USP4: variants seen among roughly 807,000 people sequenced by gnomAD.
USP4 encodes the protein ubiquitin specific peptidase 4.
Under a neutral mutation model 118.2 loss-of-function variants are expected in USP4, and 72 were observed. The ratio of observed to expected loss-of-function variants is 0.61; its 90% confidence interval spans 0.50 to 0.74. USP4 has a LOEUF of 0.74. Ranked by LOEUF, USP4 falls within the 30% of genes least tolerant of loss-of-function variation. USP4 has a pLI of 0.00. For synonymous variants in USP4, 415 were observed against 440.4 expected, an observed-to-expected ratio of 0.94 and a Z score of 0.72; for missense variants, 1,037 against 1,185.7, an observed-to-expected ratio of 0.87 and a Z score of 1.84.
intron 2 of USP4, among the ~76,000 whole-genome samples, chr3:49,329,308 G>C (rs9863142): frequency 0.19 from 28,514 of 152,042 alleles, 2,956 homozygotes; most frequent in African/African-American, 0.25. Flanking sequence ...TCTTGAGCCC[G>C]TTGAAGTCAT....
At chr3:49,290,839 C>T (rs754524979) in intron 15 of USP4, among the ~76,000 whole-genome samples, 82 of 151,778 alleles carry the variant, frequency 5.4e-4, no homozygotes, top group African/African-American at 1.3e-3. Flanking sequence ...ATGTGCTGGG[C>T]GCAGTGGCTC....
At chr3:49,321,774 A>T (rs2107796493) in intron 6 of USP4, among the ~76,000 whole-genome samples, 1 of 151,718 alleles carries the variant, frequency 6.6e-6, no homozygotes. Flanking sequence ...CAGGCGGATC[A>T]CTTGAGGCTA....
intron 8 of USP4, 80 bp from the exon 9 acceptor site, chr3:49,305,968 C>A: frequency 7.3e-7 from 1 of 1,372,416 alleles, no homozygotes. Context: ...TCTAAAGGGT[C>A]ACTGAGGGAC....
chr3:49,277,334 G>T lies in USP4; in HGVS notation c.*959C>A. 1.0e-6 allele frequency: 1 copy of T among 989,940 alleles called. No homozygotes were observed. Among genetic ancestry groups the T allele is most frequent in the Non-Finnish European group, 1.4e-6 (1 of 737,554 alleles). 61.3% of individuals were successfully genotyped at this position (989,940 alleles called of 1,614,324 possible). On this transcript the variant is annotated 3_prime_UTR_variant, in exon 22 of 22. Coordinates refer to ENST00000265560, the MANE Select transcript of USP4 (RefSeq NM_003363.4). ...CTTAAGGCCTTGCCCACACGCAGCG[G>T]CTGGCCCCGCGGTGGGAGTGGGGAC...
At chr3:49,300,321 C>A in intron 11 of USP4, 146 bp downstream of exon 11, 1 of 659,872 alleles carries the variant, frequency 1.5e-6, no homozygotes, top group South Asian at 1.9e-5. Context: ...TGGGATTAGA[C>A]AAAGGTCTGA....
intron 9 of USP4, 86 bp downstream of exon 9, chr3:49,305,629 T>C: frequency 2.3e-6 from 3 of 1,312,742 alleles, no homozygotes; most frequent in Non-Finnish European, 3.0e-6. Context: ...AAAAAAATCC[T>C]AAAAAACCTG....
chr3:49,296,339 T>TAAATAAA (rs1379054818), intron 13 of USP4, among the ~76,000 whole-genome samples: 1 of 138,698 alleles, frequency 7.2e-6, no homozygotes, highest in East Asian at 2.2e-4. Flanking sequence ...AAAACATAAA[T>TAAATAAA]AAATAAAAAA....
chr3:49,300,243 C>CAA (rs376971750), intron 11 of USP4, among the ~76,000 whole-genome samples: 1 of 134,960 alleles, frequency 7.4e-6, no homozygotes, highest in Non-Finnish European at 1.6e-5. Context: ...GACTCTGTCT[C>CAA]AAAAAAAAAA....
At chr3:49,298,749 T>A in intron 11 of USP4, 114 bp from the exon 12 acceptor site, 1 of 908,398 alleles carries the variant, frequency 1.1e-6, no homozygotes. Context: ...CAATGTATGG[T>A]GAGGTCAGGG....
At chr3:49,311,479 G>A (rs745464194) in intron 7 of USP4, 35 bp downstream of exon 7, 18 of 1,606,974 alleles carry the variant, frequency 1.1e-5, no homozygotes, top group Admixed American at 1.7e-5. Flanking sequence ...AAAGGACCAC[G>A]GGAAAGGAAG....
At position 49,298,594 on chromosome 3, in the gene USP4, C is replaced by G. The variant is rs200322359; in HGVS notation, c.1554G>C (p.Leu518=). 2.3e-5 allele frequency: 37 copies of G among 1,614,194 alleles called. No homozygotes were observed. In the South Asian group the frequency reaches 4.0e-4, roughly 17 times the overall value. Residue 518 remains leucine, a synonymous_variant, in exon 12 of 22, where the codon CTG becomes CTC. Transcript: ENST00000265560. ...CAGACAGCCTGGAGAGAGCCTCGCA[C>G]AGGTCGGACACAGCCCCCATCAGCG... is the stretch of plus-strand genomic sequence containing the variant. ...TVPLMGAVSD[L]CEALSRLSGI...
chr3:49,324,644 G>C (rs2047532765), intron 6 of USP4, 58 bp downstream of exon 6: 2 of 1,504,304 alleles, frequency 1.3e-6, no homozygotes, highest in South Asian at 2.3e-5. Context: ...ACTGCCTTAG[G>C]AAAGACTGTC....
At position 49,305,157 on chromosome 3, in the gene USP4, C is replaced by T. The variant is rs192151587; in HGVS notation, c.1128+558G>A. 4.9e-3 allele frequency among the ~76,000 whole-genome samples: 743 copies of T among 151,030 alleles called. 7 individuals are homozygous for T. Among genetic ancestry groups the T allele is most frequent in the African/African-American group, 0.017 (706 of 41,142 alleles). ...GCGCAATCTCGGCTCACTGCAAGCTCTGCCTCCCGGGTTCACGCCATTCTC... is the reference window on the plus strand; with the variant it reads ...GCGCAATCTCGGCTCACTGCAAGCTTTGCCTCCCGGGTTCACGCCATTCTC... On this transcript the variant is annotated intron_variant, in intron 9 of 21. Coordinates refer to ENST00000265560, the MANE Select transcript of USP4 (RefSeq NM_003363.4).
chr3:49,332,402 G>A (rs2047627410), intron 2 of USP4, among the ~76,000 whole-genome samples: 1 of 151,662 alleles, frequency 6.6e-6, no homozygotes, highest in African/African-American at 2.4e-5. Context: ...AGGCTGCAGT[G>A]AGCTGTGATC....
intron 8 of USP4, 152 bp downstream of exon 8, chr3:49,310,468 A>G: frequency 1.4e-6 from 1 of 701,834 alleles, no homozygotes; most frequent in Non-Finnish European, 2.6e-6. Context: ...ATTCTATACC[A>G]CCTAGTGGGA....
Position 49,300,760 on chromosome 3 carries a change from TCA to T in USP4, c.1288-71_1288-70del, listed in dbSNP as rs1156772477. 26 of 1,448,592 alleles carry T rather than the reference TCA, an allele frequency of 1.8e-5. No individual in the cohort carries two copies. The East Asian group carries it at 6.0e-4, about 33-fold the overall frequency. The allele number at this position is 1,448,592 out of a possible 1,614,324, so 89.7% of individuals were successfully genotyped here. On this transcript the variant is annotated intron_variant, in intron 10 of 21. Coordinates refer to ENST00000265560, the MANE Select transcript of USP4 (RefSeq NM_003363.4). ...CCCTTGCCCCTGCATCCAGAATGAC[TCA>T]CAGCAAACCTGGAGATGAATCAGGT... is the stretch of plus-strand genomic sequence containing the variant.
chr3:49,336,001 T>C (rs930010948), intron 1 of USP4, among the ~76,000 whole-genome samples: 1 of 152,056 alleles, frequency 6.6e-6, no homozygotes, highest in South Asian at 2.1e-4. Context: ...CTAACTGGGA[T>C]TACAGGCACC....
At chr3:49,298,062 C>T in intron 12 of USP4, 98 bp from the exon 13 acceptor site, 2 of 811,652 alleles carry the variant, frequency 2.5e-6, no homozygotes, top group South Asian at 3.1e-5. Context: ...AATACTCATA[C>T]TCAAATGTTG....
intron 6 of USP4, among the ~76,000 whole-genome samples, chr3:49,322,232 G>C (rs1305974914): frequency 6.6e-6 from 1 of 152,168 alleles, no homozygotes; most frequent in Non-Finnish European, 1.5e-5. Flanking sequence ...GCCCTGCTCT[G>C]TGTCTACCTT....
Sources: allele counts gnomAD v4.1 joint callset (sites outside exome capture counted in the v4.1 genomes callset), GRCh38; gene constraint gnomAD v4.1.1; transcripts MANE v1.5; gene names NCBI Gene and HGNC (gene_info 2026-07-23, HGNC 2026-07-21).